ZNF195: variants seen among roughly 807,000 people sequenced by gnomAD.
ZNF195 encodes zinc finger protein 195.
In ZNF195, 11 loss-of-function variants were observed where a neutral mutation model predicts 19.5. The observed-to-expected ratio is 0.57, with a 90% CI of 0.36 to 0.94. The LOEUF (loss-of-function observed/expected upper bound fraction) is 0.94, where lower values mean the gene tolerates loss of function less well. Ranked by LOEUF, ZNF195 falls within the 40% of genes least tolerant of loss-of-function variation. The pLI, the probability that ZNF195 is intolerant of heterozygous loss-of-function variation, is 0.01. For synonymous variants in ZNF195, 214 were observed against 248.1 expected (o/e 0.86, Z 1.29); for missense variants, 582 against 709.0 (o/e 0.82, Z 2.03).
intron 4 of ZNF195, among the ~76,000 whole-genome samples, chr11:3,361,091 G>A (rs1275334141): frequency 6.6e-6 from 1 of 152,236 alleles, no homozygotes; most frequent in East Asian, 1.9e-4. Flanking sequence ...TGCAGCAGCA[G>A]CACCAGGCGA....
At chr11:3,362,325 A>T (rs1848673161) in intron 3 of ZNF195, among the ~76,000 whole-genome samples, 1 of 152,212 alleles carries the variant, frequency 6.6e-6, no homozygotes, top group South Asian at 2.1e-4. Flanking sequence ...ACGCATATAC[A>T]GAAAAATAAA....
intron 1 of ZNF195, chr11:3,375,743 C>T (rs1849429037): frequency 6.6e-6 from 1 of 152,194 alleles, no homozygotes; most frequent in East Asian, 1.9e-4. Flanking sequence ...ACCAGAAAAA[C>T]TGGAGTAATT....
chr11:3,375,633 C>T (rs1225278996), intron 1 of ZNF195: 3 of 151,932 alleles, frequency 2.0e-5, no homozygotes, highest in African/African-American at 4.9e-5. Context: ...CTTGCGGGGA[C>T]CATGGCTGCC....
At chr11:3,373,762 T>C (rs1849326502) in intron 1 of ZNF195, 2 of 789,430 alleles carry the variant, frequency 2.5e-6, no homozygotes, top group Non-Finnish European at 4.0e-6. Flanking sequence ...AGTCCACGCT[T>C]TTCTGTTCTT....
rs775701149 is a variant in ZNF195 at position 3,359,804 on chromosome 11, T to C, written c.1204A>G (p.Arg402Gly). The change falls in exon 6 of 6, where the codon AGA (arginine) becomes GGA (glycine). Residue 402 changes from arginine (R) to glycine (G), a missense_variant. Arg to Gly is a moderately radical substitution (Grantham distance 125). Around this residue, in one of 3 missense-constraint regions of ZNF195, gnomAD observed 407 missense variants for 530.5 expected, o/e 0.77. Transcript: ENST00000399602. The surrounding 1 kb of genome is among the most constrained non-coding windows in gnomAD (Gnocchi z 5.5). The part of the protein sequence containing the change: ...NHSPNPSKHQ[R>G]NEIGGKPFKC... The stretch of plus-strand genomic sequence containing the variant: ...AAAGGTTTCCCTCCAATCTCATTTC[T>C]CTGGTGTTTGGAAGGATTTGGGCTG... 6.2e-7 allele frequency: 1 copy of C among 1,614,170 alleles called. No individual in the cohort carries two copies. Among genetic ancestry groups the C allele is most frequent in the East Asian group, 2.2e-5 (1 of 44,876 alleles).
intron 3 of ZNF195, among the ~76,000 whole-genome samples, chr11:3,367,745 T>C (rs190279398): frequency 6.6e-6 from 1 of 152,180 alleles, no homozygotes; most frequent in East Asian, 1.9e-4. Flanking sequence ...TTATTATTTA[T>C]ATACAGGTTG....
chr11:3,360,039 T>C lies in ZNF195; in HGVS notation c.969A>G (p.Gly323=). 6.2e-7 allele frequency: 1 copy of C among 1,614,044 alleles called. No individual in the cohort carries two copies. Among genetic ancestry groups the C allele is most frequent in the Non-Finnish European group, 8.5e-7 (1 of 1,180,028 alleles). The change falls in exon 6 of 6, where the codon GGA becomes GGG. Residue 323 remains glycine, a synonymous_variant. Coordinates refer to ENST00000399602, the MANE Select transcript of ZNF195 (RefSeq NM_001130520.3). ...SVLTKNRIYA[G]GEHYRCEEFG... ...ATTCTTCACATCTGTAATGTTCCCC[T>C]CCGGCATAAATTCTATTTTTAGTAA...
chr11:3,360,841 C>T, intron 4 of ZNF195, 53 bp from the exon 5 acceptor site: 1 of 1,474,626 alleles, frequency 6.8e-7, no homozygotes, highest in Non-Finnish European at 9.2e-7. Flanking sequence ...CACTGCAGCC[C>T]CCGCTCCTCC....
At position 3,359,028 on chromosome 11, in the gene ZNF195, A is replaced by G; in HGVS notation, c.*90T>C. On this transcript the variant is annotated 3_prime_UTR_variant, in exon 6 of 6. Transcript: ENST00000399602. The surrounding 1 kb of genome is among the most constrained non-coding windows in gnomAD (Gnocchi z 5.5). ...TCTTTCAATAGTAATTACATTTATGATAACTTTATTAAGTCTGAACTCTGA... is the reference window on the plus strand; with the variant it reads ...TCTTTCAATAGTAATTACATTTATGGTAACTTTATTAAGTCTGAACTCTGA... The G allele has an allele frequency of 1.4e-6, 2 of 1,391,158 alleles. No homozygotes were observed. The allele number at this position is 1,391,158 out of a possible 1,614,324, so 86.2% of individuals were successfully genotyped here.
Position 3,358,691 on chromosome 11 carries a change from A to T in ZNF195, c.*427T>A, listed in dbSNP as rs145525625. On this transcript the variant is annotated 3_prime_UTR_variant, in exon 6 of 6. Coordinates refer to ENST00000399602, the MANE Select transcript of ZNF195 (RefSeq NM_001130520.3). ...TCTCATCCTCCTTTTAAACTTAAAT[A>T]TAAATGATCTATTTTAAGTCTAGAT... 0.056 allele frequency: 1,145 copies of T among 20,458 alleles called. 19 individuals are homozygous for T. The highest frequency in any genetic ancestry group is 0.15 in the African/African-American group (1,097 of 7,340). The allele number at this position is 20,458 out of a possible 1,614,324, so 1.3% of individuals were successfully genotyped here. A position where few individuals can be genotyped will look rare whatever the true frequency, so the allele number is the denominator to read the frequency against.
chr11:3,377,499 A>G, intron 1 of ZNF195: 1 of 854,094 alleles, frequency 1.2e-6, no homozygotes, highest in Non-Finnish European at 1.5e-6. Flanking sequence ...TCCAAAGGGC[A>G]GAAATGATTT....
At chr11:3,368,978 G>A in intron 3 of ZNF195, 1 of 358,586 alleles carries the variant, frequency 2.8e-6, no homozygotes, top group Non-Finnish European at 5.6e-6. Flanking sequence ...AACTCTGAGA[G>A]AAAACCTCTG....
Position 3,357,965 on chromosome 11 carries a change from A to G in ZNF195, c.*1153T>C, listed in dbSNP as rs910818900. 2 of 151,790 alleles carry G rather than the reference A, an allele frequency of 1.3e-5. No homozygotes were observed. The highest frequency in any genetic ancestry group is 2.4e-5 in the African/African-American group (1 of 41,272). The allele number at this position is 151,790 out of a possible 1,614,324, so 9.4% of individuals were successfully genotyped here. A position where few individuals can be genotyped will look rare whatever the true frequency, so the allele number is the denominator to read the frequency against. Reference sequence around the variant, plus strand: ...CTTTATTGAGCTGCTTGGCTGCTCCACCACAGTTAGAGGAGGCAGCCCTGC... The same window carrying G: ...CTTTATTGAGCTGCTTGGCTGCTCCGCCACAGTTAGAGGAGGCAGCCCTGC... On this transcript the variant is annotated 3_prime_UTR_variant, in exon 6 of 6. Coordinates refer to ENST00000399602, the MANE Select transcript of ZNF195 (RefSeq NM_001130520.3).
chr11:3,368,578 A>G (rs1849020944), intron 3 of ZNF195, among the ~76,000 whole-genome samples: 1 of 152,238 alleles, frequency 6.6e-6, no homozygotes, highest in South Asian at 2.1e-4. Context: ...TAGAATTCTA[A>G]AATTTATATG....
intron 3 of ZNF195, among the ~76,000 whole-genome samples, chr11:3,368,174 A>G (rs1848996900): frequency 6.6e-6 from 1 of 152,264 alleles, no homozygotes; most frequent in Non-Finnish European, 1.5e-5. Context: ...ATTTGAAATT[A>G]GAGATAAATT....
intron 1 of ZNF195, among the ~76,000 whole-genome samples, chr11:3,378,268 C>T (rs1213467723): frequency 6.6e-6 from 1 of 152,026 alleles, no homozygotes; most frequent in Non-Finnish European, 1.5e-5. Flanking sequence ...CGAGATCGCG[C>T]CACTGCACTC....
At chr11:3,362,039 G>C (rs1310259522) in intron 3 of ZNF195, 150 bp from the exon 4 acceptor site, 1 of 447,438 alleles carries the variant, frequency 2.2e-6, no homozygotes, top group Non-Finnish European at 4.5e-6. Context: ...CAGCCTGAGT[G>C]ACAGAATAAA....
In ZNF195 at chr11:3,359,664, T is replaced by C; in HGVS notation, c.1344A>G (p.Thr448=). Residue 448 remains threonine, a synonymous_variant, in exon 6 of 6, where the codon ACA becomes ACG. Transcript: ENST00000399602. This position sits in a 1 kb window ranked among gnomAD's most constrained non-coding sequence, Gnocchi z 5.5. ...YKCDECGKAY[T]QSSHLSEHRR... ...TGTGTTCACTGAGGTGTGAGGACTG[T>C]GTATAGGCTTTCCCACATTCGTCAC... The C allele has an allele frequency of 1.9e-6, 3 of 1,613,880 alleles. No homozygotes were observed. Among genetic ancestry groups the C allele is most frequent in the Non-Finnish European group, 8.5e-7 (1 of 1,179,942 alleles).
chr11:3,367,066 A>G, intron 3 of ZNF195: 1 of 186,344 alleles, frequency 5.4e-6, no homozygotes, highest in South Asian at 3.3e-5. Flanking sequence ...CTCTGTGTAA[A>G]AAAAAAAAAA....
Sources: gnomAD v4.1 joint callset for allele counts (sites outside exome capture counted in the v4.1 genomes callset) on GRCh38, gnomAD v4.1.1 for gene constraint, gnomAD v4.1.1 regional missense constraint, Gnocchi (gnomAD v3.1) non-coding constraint, MANE v1.5 for transcripts, NCBI Gene and HGNC (gene_info 2026-07-23, HGNC 2026-07-21) for gene names.